Variants in ERCC2 observed in about 807,000 individuals in gnomAD.
ERCC2 encodes general transcription and DNA repair factor IIH helicase subunit XPD.
ERCC2 carries 90 observed loss-of-function variants against 99.4 expected under a neutral mutation model. The ratio of observed to expected loss-of-function variants is 0.91; its 90% CI spans 0.76 to 1.08. The LOEUF is 1.08. Among genes scored for constraint, ERCC2 ranks in the 50% least tolerant of loss-of-function variants. The probability of loss-of-function intolerance (pLI) is 0.00; values close to 1 mark genes in which losing one functional copy is unlikely to be tolerated. For missense variants in ERCC2, 993 were observed against 1,038.1 expected, an observed-to-expected ratio of 0.96 and a Z score of 0.60; for synonymous variants, 497 against 432.4, an observed-to-expected ratio of 1.15 and a Z score of -1.85.
chr19:45,356,239 T>TG (rs1427337682), intron 15 of ERCC2, among the ~76,000 whole-genome samples: 3 of 152,026 alleles, frequency 2.0e-5, no homozygotes, highest in Admixed American at 1.3e-4. Flanking sequence ...CACCATGCAG[T>TG]GGGGGTCATT....
In ERCC2 at chr19:45,359,436, C is replaced by T. The variant is rs139156435; in HGVS notation, c.1238-1737G>A. Among the ~76,000 whole-genome samples the T allele has an allele frequency of 4.3e-3, 658 of 152,240 alleles. 5 individuals are homozygous for T. Among genetic ancestry groups the T allele is most frequent in the Middle Eastern group, 6.8e-3 (2 of 294 alleles). Reference sequence around the variant, plus strand: ...AGGCCCTGCCGCAGGACATGAGGCCCGATCTGGTTTCCTGGGTACAGGAGA... The same window carrying T: ...AGGCCCTGCCGCAGGACATGAGGCCTGATCTGGTTTCCTGGGTACAGGAGA... On this transcript the variant is annotated intron_variant, in intron 12 of 22. Transcript: ENST00000391945.
chr19:45,352,518 G>A lies in ERCC2; in HGVS notation c.2034C>T (p.Val678=), dbSNP rs546569330. Residue 678 remains valine, a synonymous_variant, in exon 21 of 23, where the codon GTC becomes GTT. Coordinates refer to ENST00000391945, the MANE Select transcript of ERCC2 (RefSeq NM_000400.4). ...IRGKTDYGLM[V]FADKRFARGD... ...CCTGAAGCTGCACCTTGTCGGCAAA[G>A]ACCATGAGGCCGTAGTCCGTCTTGC... 1.9e-6 allele frequency: 3 copies of A among 1,614,198 alleles called. No homozygotes were observed. In the East Asian group the frequency reaches 6.7e-5, roughly 36 times the overall value.
At chr19:45,353,002 G>T in intron 19 of ERCC2, 81 bp downstream of exon 19, 1 of 1,478,784 alleles carries the variant, frequency 6.8e-7, no homozygotes, top group African/African-American at 1.4e-5. Flanking sequence ...GTGGTTCCCC[G>T]CGGGAGCAGA....
intron 11 of ERCC2, among the ~76,000 whole-genome samples, chr19:45,362,276 C>A (rs1422863232): frequency 6.6e-6 from 1 of 152,150 alleles, no homozygotes; most frequent in Non-Finnish European, 1.5e-5. Context: ...CAGAACCCCC[C>A]AGTCATGGCA....
chr19:45,361,645 G>A lies in ERCC2; in HGVS notation c.1119-3C>T, dbSNP rs41547016. On this transcript the variant is annotated splice_polypyrimidine_tract_variant and splice_region_variant and intron_variant, in intron 11 of 22. Coordinates refer to ENST00000391945, the MANE Select transcript of ERCC2 (RefSeq NM_000400.4). The stretch of plus-strand genomic sequence containing the variant: ...ACCGGAGGCGTTCAGCACAGAATCT[G>A]GCGGGGAGGAGAGACGGGGTCGGGG... 207 of 1,609,690 alleles carry A rather than the reference G, an allele frequency of 1.3e-4. No homozygotes were observed. Among genetic ancestry groups the A allele is most frequent in the Non-Finnish European group, 1.6e-4 (190 of 1,176,264 alleles).
chr19:45,350,037 A>C lies in ERCC2; in HGVS notation c.*1592T>G, dbSNP rs2123199974. Reference sequence around the variant, plus strand: ...AGAAACAGGAGGCTGCCTGTCCTCCATCCCCAGGGCAGGAAGTAAGGCCGA... The same window carrying C: ...AGAAACAGGAGGCTGCCTGTCCTCCCTCCCCAGGGCAGGAAGTAAGGCCGA... On this transcript the variant is annotated 3_prime_UTR_variant, in exon 23 of 23. Transcript: ENST00000391945. 1 of 458,636 alleles carries C rather than the reference A, an allele frequency of 2.2e-6. No homozygotes were observed. Among genetic ancestry groups the C allele is most frequent in the East Asian group, 3.8e-5 (1 of 26,466 alleles). The allele number at this position is 458,636 out of a possible 1,614,324, so 28.4% of individuals were successfully genotyped here.
In ERCC2 at chr19:45,364,311, T is replaced by C. The variant is rs1972343102; in HGVS notation, c.739A>G (p.Met247Val). 2 of 1,613,948 alleles carry C rather than the reference T, an allele frequency of 1.2e-6. No homozygotes were observed. Among genetic ancestry groups the C allele is most frequent in the Admixed American group, 1.7e-5 (1 of 60,016 alleles). Reference sequence around the variant, plus strand: ...GTCCGGCGGGTGAGGTTGACGCTCATGGAGTCGATGCAGACGTTGTCTGGA... The same window carrying C: ...GTCCGGCGGGTGAGGTTGACGCTCACGGAGTCGATGCAGACGTTGTCTGGA... Reference protein sequence around the residue: ...HNIDNVCIDSMSVNLTRRTLD... With the variant: ...HNIDNVCIDSVSVNLTRRTLD... The change falls in exon 9 of 23, where the codon ATG becomes GTG. Residue 247 changes from methionine (M) to valine (V), a missense_variant. By Grantham distance (21) the Met-to-Val change is conservative. Coordinates refer to ENST00000391945, the MANE Select transcript of ERCC2 (RefSeq NM_000400.4).
chr19:45,369,216 T>A, intron 2 of ERCC2, 69 bp from the exon 3 acceptor site: 2 of 1,282,328 alleles, frequency 1.6e-6, no homozygotes, highest in Non-Finnish European at 2.3e-6. Context: ...CTCTGGGGAC[T>A]CTCCCCGACC....
Position 45,354,815 on chromosome 19 carries a change from A to T in ERCC2, c.1580T>A (p.Met527Lys). The change falls in exon 17 of 23, where the codon ATG becomes AAG. Residue 527 changes from methionine to lysine, a missense_variant. Met to Lys is a moderately conservative substitution (Grantham distance 95, BLOSUM62 -1). Coordinates refer to ENST00000391945, the MANE Select transcript of ERCC2 (RefSeq NM_000400.4). ...GATGCCATCAGGGACCACAGCGGAC[A>T]TCTCCAGCAGGAGGTTCCCATAGTT... ...IRNYGNLLLE[M>K]SAVVPDGIVA... is the part of the protein sequence containing the mutation. The T allele has an allele frequency of 1.2e-6, 2 of 1,614,096 alleles. No individual in the cohort carries two copies. Among genetic ancestry groups the T allele is most frequent in the Non-Finnish European group, 1.7e-6 (2 of 1,179,982 alleles).
At chr19:45,357,413 G>A (rs746699304) in intron 14 of ERCC2, 42 bp from the exon 15 acceptor site, 7 of 1,608,584 alleles carry the variant, frequency 4.4e-6, no homozygotes, top group Non-Finnish European at 3.4e-6. Flanking sequence ...GGACTGGGCA[G>A]GGACCAGGAG....
At chr19:45,367,920 CAG>C (rs1972484635) in intron 5 of ERCC2, among the ~76,000 whole-genome samples, 1 of 144,276 alleles carries the variant, frequency 6.9e-6, no homozygotes, top group African/African-American at 2.6e-5. Flanking sequence ...TTTTTTAAGA[CAG>C]AGTCTCACTC....
chr19:45,367,205 G>A (rs1235439909), intron 5 of ERCC2, among the ~76,000 whole-genome samples: 1 of 151,826 alleles, frequency 6.6e-6, no homozygotes, highest in Admixed American at 6.6e-5. Context: ...GGTGTAGTGG[G>A]GCACCTGTAA....
intron 20 of ERCC2, 25 bp from the exon 21 acceptor site, chr19:45,352,674 T>G (rs764929625): frequency 1.2e-6 from 2 of 1,613,890 alleles, no homozygotes; most frequent in Admixed American, 3.3e-5. Context: ...GATGAGAAGC[T>G]GGGGAGGTGG....
chr19:45,368,661 C>T lies in ERCC2; in HGVS notation c.329G>A (p.Ser110Asn). The T allele has an allele frequency of 6.2e-7, 1 of 1,614,074 alleles. No homozygotes were observed. Among genetic ancestry groups the T allele is most frequent in the Non-Finnish European group, 8.5e-7 (1 of 1,179,922 alleles). Residue 110 changes from serine (S) to asparagine (N), a missense_variant, in exon 5 of 23, where the codon AGC becomes AAC. Transcript: ENST00000391945. ...EKLPFLGLAL[S>N]SRKNLCIHPE... ...GTGAATACACAAGTTTTTGCGGGAG[C>T]TCAGAGCCAGTCCCAGAAACGGCAG... is the stretch of plus-strand genomic sequence containing the variant.
intron 19 of ERCC2, 105 bp from the exon 20 acceptor site, chr19:45,352,921 G>T: frequency 2.4e-6 from 3 of 1,253,836 alleles, no homozygotes; most frequent in Non-Finnish European, 2.3e-6. Flanking sequence ...GGGGGAGAGG[G>T]TGTGTTCCCG....
intron 21 of ERCC2, 29 bp downstream of exon 21, chr19:45,352,477 G>A: frequency 6.2e-7 from 1 of 1,614,104 alleles, no homozygotes; most frequent in Non-Finnish European, 8.5e-7. Flanking sequence ...GCCTGGGATG[G>A]GAGCACAGGG....
intron 5 of ERCC2, among the ~76,000 whole-genome samples, chr19:45,368,208 TG>T (rs1972493420): frequency 6.6e-6 from 1 of 152,172 alleles, no homozygotes; most frequent in Non-Finnish European, 1.5e-5. Flanking sequence ...TTTAGCTCTT[TG>T]TACATGCTAA....
chr19:45,363,817 A>C lies in ERCC2; in HGVS notation c.1044T>G (p.His348Gln). ...AGGCGGGCGGGCTCTCCTGCACCAC[A>C]TGCTGCACACGCAGCCGCCACTTCA... ...EYVKWRLRVQ[H>Q]VVQESPPAFL... Residue 348 changes from histidine to glutamine, a missense_variant, in exon 11 of 23, where the codon CAT becomes CAG. His to Gln is a conservative substitution (Grantham distance 24, BLOSUM62 0). Around this residue, in one of 3 missense-constraint regions of ERCC2, gnomAD observed 909 missense variants for 930.8 expected, o/e 0.98. Coordinates refer to ENST00000391945, the MANE Select transcript of ERCC2 (RefSeq NM_000400.4). 1 of 1,541,440 alleles carries C rather than the reference A, an allele frequency of 6.5e-7. No individual in the cohort carries two copies. Among genetic ancestry groups the C allele is most frequent in the Non-Finnish European group, 8.7e-7 (1 of 1,149,928 alleles).
intron 12 of ERCC2, chr19:45,358,042 C>T: frequency 2.3e-6 from 1 of 432,430 alleles, no homozygotes; most frequent in South Asian, 2.3e-5. Context: ...TCTCCCATGA[C>T]CTTTTCTTGT....
Sources: allele counts gnomAD v4.1 joint callset (sites outside exome capture counted in the v4.1 genomes callset), GRCh38; gene constraint gnomAD v4.1.1; regional missense constraint gnomAD v4.1.1; transcripts MANE v1.5; gene names NCBI Gene and HGNC (gene_info 2026-07-23, HGNC 2026-07-21).